DGKI: variants seen among roughly 807,000 people sequenced by gnomAD.
The protein encoded by DGKI is diacylglycerol kinase iota.
DGKI carries 55 observed loss-of-function variants against 147.5 expected under a neutral mutation model. That is an observed-to-expected ratio of 0.37 (90% CI 0.30 to 0.47). The LOEUF (loss-of-function observed/expected upper bound fraction) is 0.47, where lower values mean the gene tolerates loss of function less well. Ranked by LOEUF, DGKI falls within the 20% of genes least tolerant of loss-of-function variation. DGKI has a pLI of 1.00. For missense variants in DGKI, 1,007 were observed against 1,323.8 expected, an observed-to-expected ratio of 0.76 and a Z score of 3.71; for synonymous variants, 469 against 477.1, an observed-to-expected ratio of 0.98 and a Z score of 0.22.
rs1798713379 is a variant in DGKI, at chr7:137,846,155, TCTCTCTCACACACACACACA to T, written c.401+287_401+306del. Among the ~76,000 whole-genome samples the T allele has an allele frequency of 7.1e-6, 1 of 139,882 alleles. No homozygotes were observed. Among genetic ancestry groups the T allele is most frequent in the African/African-American group, 2.9e-5 (1 of 33,990 alleles). The allele number at this position is 139,882 out of a possible 152,430, so 91.8% of individuals were successfully genotyped here. A position where few individuals can be genotyped will look rare whatever the true frequency, so the allele number is the denominator to read the frequency against. ...CTCTTTCTCTCTCTCTCTCTCTCTC[TCTCTCTCACACACACACACA>T]CACACACACACACACACACACACAC... On this transcript the variant is annotated intron_variant, in intron 1 of 32. Transcript: ENST00000614521. This position sits in a 1 kb window ranked among gnomAD's most constrained non-coding sequence, Gnocchi z 4.0.
In DGKI at chr7:137,635,324, T is replaced by C. The variant is rs374252631; in HGVS notation, c.804+10148A>G. 9.2e-5 allele frequency among the ~76,000 whole-genome samples: 14 copies of C among 152,310 alleles called. No individual in the cohort carries two copies. In the South Asian group the frequency reaches 2.9e-3, roughly 32 times the overall value. On this transcript the variant is annotated intron_variant, in intron 6 of 32. Transcript: ENST00000614521. ...AAAGACACCAAAGCTGAGAATCCAATATTGCATCATCCCTCAGAGAGAACA... is the reference window on the plus strand; with the variant it reads ...AAAGACACCAAAGCTGAGAATCCAACATTGCATCATCCCTCAGAGAGAACA...
At chr7:137,682,860 T>G (rs1823287237) in intron 2 of DGKI, among the ~76,000 whole-genome samples, 1 of 152,160 alleles carries the variant, frequency 6.6e-6, no homozygotes, top group South Asian at 2.1e-4. Flanking sequence ...GTCAGAGTGA[T>G]CCTCAGCATG....
intron 1 of DGKI, among the ~76,000 whole-genome samples, chr7:137,757,160 C>G (rs1795712818): frequency 6.6e-6 from 1 of 152,096 alleles, no homozygotes; most frequent in African/African-American, 2.4e-5. Flanking sequence ...TTCTGCTCCA[C>G]TTAACGCTGC....
At chr7:137,797,606 G>A (rs1229165610) in intron 1 of DGKI, among the ~76,000 whole-genome samples, 1 of 152,092 alleles carries the variant, frequency 6.6e-6, no homozygotes, top group East Asian at 1.9e-4. Context: ...ATATTAACCT[G>A]AACTACATTG....
intron 28 of DGKI, among the ~76,000 whole-genome samples, chr7:137,425,358 C>G (rs1456243229): frequency 6.6e-6 from 1 of 152,194 alleles, no homozygotes; most frequent in East Asian, 1.9e-4. Context: ...AGAAGGAAAA[C>G]TAACAAACAG....
intron 12 of DGKI, among the ~76,000 whole-genome samples, chr7:137,597,523 A>C (rs1819839100): frequency 6.6e-6 from 1 of 152,198 alleles, no homozygotes. Flanking sequence ...ATTAAGAATA[A>C]ATGGAAACAG....
At chr7:137,516,859 C>T (rs1208734131) in intron 21 of DGKI, among the ~76,000 whole-genome samples, 5 of 151,968 alleles carry the variant, frequency 3.3e-5, no homozygotes, top group Non-Finnish European at 7.4e-5. Context: ...AAATCTTGAT[C>T]CACCTCCTCT....
At chr7:137,787,504 C>T (rs1243837345) in intron 1 of DGKI, among the ~76,000 whole-genome samples, 1 of 152,094 alleles carries the variant, frequency 6.6e-6, no homozygotes, top group Admixed American at 6.6e-5. Flanking sequence ...CATTTTTACA[C>T]TGTTGGTGGA....
intron 28 of DGKI, among the ~76,000 whole-genome samples, chr7:137,439,534 T>G (rs1201076949): frequency 6.6e-6 from 1 of 152,040 alleles, no homozygotes; most frequent in Non-Finnish European, 1.5e-5. Context: ...GAAAACAGTA[T>G]GGGGGAAACT....
intron 30 of DGKI, among the ~76,000 whole-genome samples, chr7:137,401,078 C>T (rs892916955): frequency 2.0e-5 from 3 of 152,178 alleles, no homozygotes; most frequent in African/African-American, 7.2e-5. Context: ...TTTGAACCTG[C>T]ACTGCCCAAT....
chr7:137,601,434 C>T (rs1047692084), intron 10 of DGKI, among the ~76,000 whole-genome samples: 4 of 152,134 alleles, frequency 2.6e-5, no homozygotes, highest in Admixed American at 6.6e-5. Context: ...TAGTAGATAT[C>T]GTAATTGCTC....
chr7:137,440,551 G>A (rs534202170), intron 28 of DGKI, among the ~76,000 whole-genome samples: 1 of 152,320 alleles, frequency 6.6e-6, no homozygotes, highest in South Asian at 2.1e-4. Context: ...AGAGTTAAGA[G>A]TTTGATTGTT....
intron 8 of DGKI, among the ~76,000 whole-genome samples, chr7:137,612,993 T>C (rs142831319): frequency 6.6e-6 from 1 of 152,284 alleles, no homozygotes; most frequent in African/African-American, 2.4e-5. Flanking sequence ...ACCAGGATAA[T>C]TGTACCTTGC....
intron 28 of DGKI, among the ~76,000 whole-genome samples, chr7:137,429,485 A>G (rs1355484863): frequency 6.7e-6 from 1 of 150,076 alleles, no homozygotes; most frequent in Admixed American, 6.6e-5. Flanking sequence ...TTCAGGACAT[A>G]GGCATGGGCA....
At chr7:137,410,244 A>C (rs1812112171) in intron 29 of DGKI, among the ~76,000 whole-genome samples, 1 of 152,096 alleles carries the variant, frequency 6.6e-6, no homozygotes, top group Admixed American at 6.6e-5. Flanking sequence ...TCTCAAGTAA[A>C]AATACAAAAA....
chr7:137,512,808 A>T (rs1816622544), intron 21 of DGKI, among the ~76,000 whole-genome samples: 1 of 152,176 alleles, frequency 6.6e-6, no homozygotes, highest in African/African-American at 2.4e-5. Context: ...AAAGAAAGAA[A>T]GCCTTTAGGT....
At position 137,585,135 on chromosome 7, in the gene DGKI, A is replaced by G. The variant is rs1585256230; in HGVS notation, c.1563+74T>C. On this transcript the variant is annotated intron_variant, in intron 14 of 32. Coordinates refer to ENST00000614521, the MANE Select transcript of DGKI (RefSeq NM_001321708.2). The stretch of plus-strand genomic sequence containing the variant: ...GGAATTCATCAGCACATGACTCTCC[A>G]GCCAGGATTTTTTTTCCTGTAGCTC... 3 of 1,561,488 alleles carry G rather than the reference A, an allele frequency of 1.9e-6. No individual in the cohort carries two copies. The East Asian group carries it at 6.7e-5, about 35-fold the overall frequency.
intron 2 of DGKI, among the ~76,000 whole-genome samples, chr7:137,684,282 T>C (rs373328170): frequency 6.6e-6 from 1 of 152,232 alleles, no homozygotes; most frequent in South Asian, 2.1e-4. Context: ...CAGCAGATTT[T>C]GAAGATTTAG....
intron 20 of DGKI, among the ~76,000 whole-genome samples, chr7:137,542,037 T>G (rs1817720257): frequency 6.6e-6 from 1 of 152,022 alleles, no homozygotes; most frequent in African/African-American, 2.4e-5. Context: ...ACTCTCAAAG[T>G]TCACAGGAAG....
Sources: allele counts gnomAD v4.1 joint callset (sites outside exome capture counted in the v4.1 genomes callset), GRCh38; gene constraint gnomAD v4.1.1; non-coding constraint Gnocchi (gnomAD v3.1); transcripts MANE v1.5; gene names NCBI Gene and HGNC (gene_info 2026-07-23, HGNC 2026-07-21).